The following NAA16 variants were observed in gnomAD, a reference collection of about 807,000 sequenced individuals.
The protein encoded by NAA16 is N-alpha-acetyltransferase 16, NatA auxiliary subunit.
In NAA16, 97 loss-of-function variants were observed where a neutral mutation model predicts 110.3. That is an observed-to-expected ratio of 0.88 (90% CI 0.75 to 1.04). The LOEUF is 1.04. Ranked by LOEUF, NAA16 falls within the 50% of genes least tolerant of loss-of-function variation. The probability of loss-of-function intolerance (pLI) is 0.00; values close to 1 mark genes in which losing one functional copy is unlikely to be tolerated. For synonymous variants in NAA16, 372 were observed against 330.6 expected, an observed-to-expected ratio of 1.13 and a Z score of -1.36; for missense variants, 1,017 against 1,005.1, an observed-to-expected ratio of 1.01 and a Z score of -0.16.
rs559234594 is a variant in NAA16 at position 41,352,955 on chromosome 13, A to G, written c.1015-2189A>G. Among the ~76,000 whole-genome samples the G allele has an allele frequency of 1.0e-3, 154 of 152,208 alleles. 1 individual carries two copies. The highest frequency in any genetic ancestry group is 3.4e-3 in the African/African-American group (142 of 41,522). On this transcript the variant is annotated intron_variant, in intron 9 of 19. Coordinates refer to ENST00000379406, the MANE Select transcript of NAA16 (RefSeq NM_024561.5). ...TAGGTTTCACCCCTTCATCTCTACT[A>G]AAAATAGAAAAATTAGCCGGGTGTG...
intron 7 of NAA16, among the ~76,000 whole-genome samples, chr13:41,329,422 A>C (rs944947553): frequency 6.6e-6 from 1 of 151,896 alleles, no homozygotes; most frequent in African/African-American, 2.4e-5. Context: ...GGAACTGTTA[A>C]TATTCCTAAA....
chr13:41,338,217 G>C (rs2042435324), intron 9 of NAA16, among the ~76,000 whole-genome samples: 2 of 152,306 alleles, frequency 1.3e-5, no homozygotes, highest in Middle Eastern at 3.4e-3. Context: ...ATGTGAATTA[G>C]AGTACTTCTT....
chr13:41,348,211 G>A (rs539147550), intron 9 of NAA16, among the ~76,000 whole-genome samples: 11 of 151,512 alleles, frequency 7.3e-5, no homozygotes, highest in African/African-American at 2.4e-4. Flanking sequence ...TCTGTCACCC[G>A]GGCTGGAGTG....
chr13:41,348,402 C>G (rs1269216178), intron 9 of NAA16, among the ~76,000 whole-genome samples: 1 of 152,072 alleles, frequency 6.6e-6, no homozygotes, highest in East Asian at 1.9e-4. Context: ...CTCCTGACCT[C>G]AGGTGATGCA....
At chr13:41,373,071 A>G (rs753010819) in intron 17 of NAA16, 162 of 817,148 alleles carry the variant, frequency 2.0e-4, no homozygotes, top group Non-Finnish European at 2.2e-4. Context: ...GAGATTTGCA[A>G]TAACGTAAAG....
rs778884068 is a variant in NAA16 at position 41,358,906 on chromosome 13, A to G, written c.1354A>G (p.Met452Val). The G allele has an allele frequency of 6.2e-6, 10 of 1,612,306 alleles. No individual in the cohort carries two copies. The East Asian group carries it at 2.0e-4, about 32-fold the overall frequency. Residue 452 changes from methionine to valine, a missense_variant, in exon 12 of 20, where the codon ATG becomes GTG. By Grantham distance (21) the Met-to-Val change is conservative (BLOSUM62 1). Coordinates refer to ENST00000379406, the MANE Select transcript of NAA16 (RefSeq NM_024561.5). ...CATCAATTCCAAATGTGCAAAATAC[A>G]TGCTTCGAGCAAATATGATAAAAGA... Reference protein sequence around the residue: ...RFINSKCAKYMLRANMIKEAE... With the variant: ...RFINSKCAKYVLRANMIKEAE...
chr13:41,361,926 C>G (rs938520928), intron 12 of NAA16, 105 bp from the exon 13 acceptor site: 78 of 1,209,108 alleles, frequency 6.5e-5, no homozygotes, highest in Non-Finnish European at 8.7e-5. Context: ...TTGCTAATTG[C>G]TGCTATTGTC....
At chr13:41,319,515 A>AT (rs929414776) in intron 3 of NAA16, among the ~76,000 whole-genome samples, 2 of 151,550 alleles carry the variant, frequency 1.3e-5, no homozygotes, top group Non-Finnish European at 2.9e-5. Flanking sequence ...GTAAAAAAAA[A>AT]TTTTTTTTTG....
At chr13:41,373,993 G>A (rs970570247) in intron 18 of NAA16, 9 of 650,054 alleles carry the variant, frequency 1.4e-5, no homozygotes, top group Middle Eastern at 4.4e-4. Context: ...TATTCAAAGG[G>A]TTTGTGATAA....
At chr13:41,342,023 G>A (rs2042562936) in intron 9 of NAA16, among the ~76,000 whole-genome samples, 2 of 150,864 alleles carry the variant, frequency 1.3e-5, no homozygotes, top group Non-Finnish European at 3.0e-5. Context: ...TAGTAGAGAC[G>A]GGGTTTCACT....
chr13:41,318,935 G>A, intron 3 of NAA16, 25 bp downstream of exon 3: 1 of 1,401,568 alleles, frequency 7.1e-7, no homozygotes, highest in Non-Finnish European at 9.7e-7. Context: ...TAGTTAAATA[G>A]TTTATGTTTT....
At chr13:41,372,458 G>C (rs539502712) in intron 16 of NAA16, 147 bp downstream of exon 16, 1 of 1,345,158 alleles carries the variant, frequency 7.4e-7, no homozygotes, top group African/African-American at 1.5e-5. Context: ...CGAAACTTAG[G>C]TGGGTAATAA....
chr13:41,329,722 A>G lies in NAA16; in HGVS notation c.811+879A>G, dbSNP rs74052204. On this transcript the variant is annotated intron_variant, in intron 7 of 19. Transcript: ENST00000379406. ...TGATTAAAATCACAATATTGATTAAAGTAATAATCTGAAGAAAACAGCAAA... is the reference window on the plus strand; with the variant it reads ...TGATTAAAATCACAATATTGATTAAGGTAATAATCTGAAGAAAACAGCAAA... Among the ~76,000 whole-genome samples the G allele has an allele frequency of 3.2e-3, 483 of 152,146 alleles. 2 individuals carry two copies. Among genetic ancestry groups the G allele is most frequent in the African/African-American group, 0.011 (450 of 41,562 alleles).
chr13:41,362,150 A>G lies in NAA16; in HGVS notation c.1530A>G (p.Glu510=), dbSNP rs765241621. Residue 510 remains glutamate, a synonymous_variant, in exon 13 of 20, where the codon GAA becomes GAG. Transcript: ENST00000379406. ...GGGATGCCTTGAAAAAATGTCATGA[A>G]GTAGAAAGGGTAAGTTGTTAGAATT... ...RYGDALKKCH[E]VERHFFEITD... The G allele has an allele frequency of 1.2e-5, 20 of 1,603,398 alleles. No individual in the cohort carries two copies. The South Asian group carries it at 2.1e-4, about 17-fold the overall frequency.
intron 1 of NAA16, 48 bp downstream of exon 1, chr13:41,311,630 G>C (rs773219340): frequency 7.7e-6 from 12 of 1,551,608 alleles, no homozygotes; most frequent in African/African-American, 4.1e-5. Flanking sequence ...CCGGGTCCTC[G>C]GGCCTTAAGG....
intron 11 of NAA16, 108 bp downstream of exon 11, chr13:41,358,581 T>C: frequency 1.3e-6 from 2 of 1,496,490 alleles, no homozygotes; most frequent in African/African-American, 1.4e-5. Flanking sequence ...TGATAATCTT[T>C]TTCTAATAAT....
chr13:41,325,043 C>T (rs566136813), intron 5 of NAA16, among the ~76,000 whole-genome samples: 1 of 146,752 alleles, frequency 6.8e-6, no homozygotes, highest in Non-Finnish European at 1.5e-5. Flanking sequence ...ACTGCAACCT[C>T]CACTTCCGGG....
rs1296324960 is a variant in NAA16 at position 41,374,729 on chromosome 13, C to T, written c.2300-13C>T. The T allele has an allele frequency of 6.4e-7, 1 of 1,562,998 alleles. No homozygotes were observed. Among genetic ancestry groups the T allele is most frequent in the Non-Finnish European group, 8.8e-7 (1 of 1,140,190 alleles). On this transcript the variant is annotated splice_polypyrimidine_tract_variant and intron_variant, in intron 18 of 19. Transcript: ENST00000379406. ...TAGGTGTTTATTCATTTTGAAATGCCTTGGTATTTCAGGTGCTAAAATGAT... is the reference window on the plus strand; with the variant it reads ...TAGGTGTTTATTCATTTTGAAATGCTTTGGTATTTCAGGTGCTAAAATGAT...
intron 16 of NAA16, 137 bp from the exon 17 acceptor site, chr13:41,372,593 CAG>C: frequency 7.6e-7 from 1 of 1,323,322 alleles, no homozygotes; most frequent in East Asian, 2.9e-5. Context: ...CTTTGATAGC[CAG>C]AGTCAACTTT....
Sources: gnomAD v4.1 joint callset for allele counts (sites outside exome capture counted in the v4.1 genomes callset) on GRCh38, gnomAD v4.1.1 for gene constraint, MANE v1.5 for transcripts, NCBI Gene and HGNC (gene_info 2026-07-23, HGNC 2026-07-21) for gene names.